The following CRIP2 variants were observed in gnomAD, a reference collection of about 807,000 sequenced individuals.
CRIP2 encodes cysteine rich protein 2, also known as cysteine-rich protein 2.
In CRIP2, 31 loss-of-function variants were observed where a neutral mutation model predicts 31.3. The ratio of observed to expected loss-of-function variants is 0.99; its 90% CI spans 0.74 to 1.34. The LOEUF (loss-of-function observed/expected upper bound fraction) is 1.34. Ranked by LOEUF, CRIP2 falls within the 40% of genes most tolerant of loss-of-function variation. CRIP2 has a pLI of 0.00. For synonymous variants in CRIP2, 177 were observed against 127.2 expected, an observed-to-expected ratio of 1.39 and a Z score of -2.63; for missense variants, 389 against 301.6, an observed-to-expected ratio of 1.29 and a Z score of -2.15.
chr14:105,479,554 C>T (rs11849001), intron 7 of CRIP2, 32 bp from the exon 8 acceptor site: 1,515,938 of 1,612,642 alleles, frequency 0.94, 717,156 homozygotes, highest in East Asian at 1. Flanking sequence ...TCCACTGTTC[C>T]CCCGACCCAC....
At chr14:105,476,889 C>T (rs144145500) in intron 1 of CRIP2, 9,180 of 527,700 alleles carry the variant, frequency 0.017, 105 homozygotes, top group Non-Finnish European at 0.02. Flanking sequence ...TATTCACAGC[C>T]CTCTACCTAG....
upstream of CRIP2, among the ~76,000 whole-genome samples, chr14:105,473,967 C>T (rs1395627300): frequency 2.0e-5 from 3 of 152,202 alleles, no homozygotes; most frequent in Non-Finnish European, 4.4e-5. Flanking sequence ...TCCTTCCCCT[C>T]CTTCCCTTCC....
upstream of CRIP2, chr14:105,473,553 G>A (rs772198277): frequency 6.6e-7 from 1 of 1,515,680 alleles, no homozygotes; most frequent in Non-Finnish European, 8.8e-7. Flanking sequence ...AAGACACAGG[G>A]GGAAGGGTGT....
Position 105,478,126 on chromosome 14 carries a change from C to T in CRIP2, c.44-140C>T. ...GTCTCAGAAGGAGGGGCAGGGCCCG[C>T]CAGGTGGAAGGAAGGCGCCTGGGAG... On this transcript the variant is annotated intron_variant, in intron 1 of 7. Transcript: ENST00000329146. The surrounding 1 kb of genome is among the most constrained non-coding windows in gnomAD (Gnocchi z 4.9). 1.5e-6 allele frequency: 1 copy of T among 645,846 alleles called. No homozygotes were observed. Among genetic ancestry groups the T allele is most frequent in the Non-Finnish European group, 2.5e-6 (1 of 395,580 alleles). 40.0% of individuals were successfully genotyped at this position (645,846 alleles called of 1,614,324 possible).
In CRIP2 at chr14:105,478,061, C is replaced by T. The variant is rs914824861; in HGVS notation, c.44-205C>T. On this transcript the variant is annotated intron_variant, in intron 1 of 7. Coordinates refer to ENST00000329146, the MANE Select transcript of CRIP2 (RefSeq NM_001312.4). The surrounding 1 kb of genome is among the most constrained non-coding windows in gnomAD (Gnocchi z 4.9). ...TTCCAGGGCTGGGGGCGCTGAGACCCAGAGGGAGAACAGGGCCTGGGGGCG... is the reference window on the plus strand; with the variant it reads ...TTCCAGGGCTGGGGGCGCTGAGACCTAGAGGGAGAACAGGGCCTGGGGGCG... Among the ~76,000 whole-genome samples, 3 of 151,702 alleles carry T rather than the reference C, an allele frequency of 2.0e-5. No homozygotes were observed. Among genetic ancestry groups the T allele is most frequent in the Non-Finnish European group, 4.4e-5 (3 of 67,862 alleles).
Position 105,479,708 on chromosome 14 carries a change from C to A in CRIP2, c.*55C>A, listed in dbSNP as rs781789000. The A allele has an allele frequency of 4.5e-6, 7 of 1,551,036 alleles. No individual in the cohort carries two copies. The East Asian group carries it at 1.7e-4, about 37-fold the overall frequency. ...CCTGCGCCCCAGACCCTGCAGGGGCCCCCCTGCTTGGCTCTGCTGGGAGAG... is the reference window on the plus strand; with the variant it reads ...CCTGCGCCCCAGACCCTGCAGGGGCACCCCTGCTTGGCTCTGCTGGGAGAG... On this transcript the variant is annotated 3_prime_UTR_variant, in exon 8 of 8. Coordinates refer to ENST00000329146, the MANE Select transcript of CRIP2 (RefSeq NM_001312.4).
rs1476416021 is a variant in CRIP2, at chr14:105,478,639, G to GC, written c.197-86dup. ...TCCCTGCCACCCTGGAAAGCCTAGT[G>GC]CCCCCCAGTCCCCAGCGGGCCGTTT... On this transcript the variant is annotated intron_variant, in intron 3 of 7. Transcript: ENST00000329146. The surrounding 1 kb of genome is among the most constrained non-coding windows in gnomAD (Gnocchi z 4.9). 1.5e-5 allele frequency: 22 copies of GC among 1,492,160 alleles called. No homozygotes were observed. The highest frequency in any genetic ancestry group is 2.3e-4 in the Middle Eastern group (1 of 4,276). The allele number at this position is 1,492,160 out of a possible 1,614,324, so 92.4% of individuals were successfully genotyped here. A position where few individuals can be genotyped will look rare whatever the true frequency, so the allele number is the denominator to read the frequency against.
At chr14:105,475,789 C>T (rs988102450) in intron 1 of CRIP2, 2 of 981,650 alleles carry the variant, frequency 2.0e-6, no homozygotes, top group African/African-American at 1.7e-5. Flanking sequence ...ATTCGCTGCC[C>T]AGCTTTCTCC....
rs781839339 is a variant in CRIP2 at position 105,478,245 on chromosome 14, C to G, written c.44-21C>G. The G allele has an allele frequency of 1.3e-6, 2 of 1,522,936 alleles. No individual in the cohort carries two copies. Among genetic ancestry groups the G allele is most frequent in the South Asian group, 1.2e-5 (1 of 82,504 alleles). The allele number at this position is 1,522,936 out of a possible 1,614,324, so 94.3% of individuals were successfully genotyped here. Reference sequence around the variant, plus strand: ...CGGGGCGCGCCCCGGCCCTGACCCCCCTGCCGCCCCTCCCGCTCAGCCGAG... The same window carrying G: ...CGGGGCGCGCCCCGGCCCTGACCCCGCTGCCGCCCCTCCCGCTCAGCCGAG... On this transcript the variant is annotated intron_variant, in intron 1 of 7. Coordinates refer to ENST00000329146, the MANE Select transcript of CRIP2 (RefSeq NM_001312.4). This position sits in a 1 kb window ranked among gnomAD's most constrained non-coding sequence, Gnocchi z 4.9.
At chr14:105,479,281 TGA>T (rs1304513732) in intron 6 of CRIP2, 62 bp downstream of exon 6, 1 of 1,505,688 alleles carries the variant, frequency 6.6e-7, no homozygotes, top group African/African-American at 1.4e-5. Flanking sequence ...GGGATGAGGG[TGA>T]GAGGCGCGCC....
chr14:105,476,634 C>T, intron 1 of CRIP2: 2 of 985,486 alleles, frequency 2.0e-6, no homozygotes, highest in African/African-American at 3.5e-5. Context: ...GGCCAGAGCA[C>T]AGTGCTGGCA....
At position 105,478,217 on chromosome 14, in the gene CRIP2, G is replaced by T. The variant is rs782410016; in HGVS notation, c.44-49G>T. On this transcript the variant is annotated intron_variant, in intron 1 of 7. Transcript: ENST00000329146. This position sits in a 1 kb window ranked among gnomAD's most constrained non-coding sequence, Gnocchi z 4.9. ...TGGCTGCCAGGTGGGGGCGGAGGGG[G>T]TGCGGGGCGCGCCCCGGCCCTGACC... 9.7e-5 allele frequency: 137 copies of T among 1,406,804 alleles called. No homozygotes were observed. In the East Asian group the frequency reaches 1.3e-3, roughly 13 times the overall value. 87.1% of individuals were successfully genotyped at this position (1,406,804 alleles called of 1,614,324 possible).
In CRIP2 at chr14:105,477,869, CGCGGGCAGG is replaced by C. The variant is rs2083977534; in HGVS notation, c.44-396_44-388del. ...GGTGTCCGGGAGGCAGGTGTTGGAGCGCGGGCAGGTGTTGGAGCGCGGGCAGGTGTTGGA... is the reference window on the plus strand; with the variant it reads ...GGTGTCCGGGAGGCAGGTGTTGGAGCTGTTGGAGCGCGGGCAGGTGTTGGA... On this transcript the variant is annotated intron_variant, in intron 1 of 7. Transcript: ENST00000329146. Among the ~76,000 whole-genome samples the C allele has an allele frequency of 9.8e-4, 10 of 10,220 alleles. No individual in the cohort carries two copies. In the Admixed American group the frequency reaches 0.023, roughly 23 times the overall value. The allele number at this position is 10,220 out of a possible 152,430, so 6.7% of individuals were successfully genotyped here.
chr14:105,477,524 G>A (rs1296165498), intron 1 of CRIP2: 5 of 984,608 alleles, frequency 5.1e-6, no homozygotes, highest in Non-Finnish European at 6.0e-6. Flanking sequence ...CAGTTGGTGG[G>A]GATCAGGGGC....
At chr14:105,473,268 G>A (rs782153236), upstream of CRIP2, 32 of 1,530,700 alleles carry the variant, frequency 2.1e-5, no homozygotes, top group African/African-American at 4.5e-4. Flanking sequence ...ACCATCTTCT[G>A]CCTTGGCTGG....
chr14:105,475,310 C>T (rs886612539), intron 1 of CRIP2: 30 of 180,710 alleles, frequency 1.7e-4, no homozygotes, highest in Non-Finnish European at 3.1e-4. Flanking sequence ...GGGCCTGGGC[C>T]CTTTCTCCTG....
upstream of CRIP2, chr14:105,474,331 C>T (rs2083888359): frequency 6.6e-6 from 1 of 151,354 alleles, no homozygotes; most frequent in South Asian, 2.1e-4. The surrounding 1 kb of genome is among the most constrained non-coding windows in gnomAD (Gnocchi z 5.1). Context: ...AACCGAGCAA[C>T]AAAGGGAAGC....
rs781979606 is a variant in CRIP2, at chr14:105,479,664, C to T, written c.*11C>T. On this transcript the variant is annotated 3_prime_UTR_variant, in exon 8 of 8. Transcript: ENST00000329146. ...AAGGTCCAGCCCTAGGCTACAGCGG[C>T]TCTCATGATGTGGGCTCACCTGCGC... The T allele has an allele frequency of 3.7e-6, 6 of 1,609,944 alleles. No individual in the cohort carries two copies. Among genetic ancestry groups the T allele is most frequent in the East Asian group, 2.2e-5 (1 of 44,754 alleles).
chr14:105,479,316 TTC>T lies in CRIP2; in HGVS notation c.501+99_501+100del, dbSNP rs199904096. ...GCCTAGAGGGGATGGGGGGTGGTGCTTCTGGGAGCTGCGCTGCCCTCTCCCCC... is the reference window on the plus strand; with the variant it reads ...GCCTAGAGGGGATGGGGGGTGGTGCTTGGGAGCTGCGCTGCCCTCTCCCCC... On this transcript the variant is annotated intron_variant, in intron 6 of 7. Coordinates refer to ENST00000329146, the MANE Select transcript of CRIP2 (RefSeq NM_001312.4). 15,866 of 1,525,908 alleles carry T rather than the reference TTC, an allele frequency of 0.01. 1,365 individuals are homozygous for T. In the African/African-American group the frequency reaches 0.19, roughly 18 times the overall value. The allele number at this position is 1,525,908 out of a possible 1,614,324, so 94.5% of individuals were successfully genotyped here.
Sources: allele counts gnomAD v4.1 joint callset (sites outside exome capture counted in the v4.1 genomes callset), GRCh38; gene constraint gnomAD v4.1.1; non-coding constraint Gnocchi (gnomAD v3.1); transcripts MANE v1.5; gene names NCBI Gene and HGNC (gene_info 2026-07-23, HGNC 2026-07-21).